ZFHX4: variants seen among roughly 807,000 people sequenced by gnomAD.
The protein encoded by ZFHX4 is zinc finger homeobox 4.
A neutral mutation model predicts 267.6 loss-of-function variants in ZFHX4; 56 were observed. The ratio of observed to expected loss-of-function variants is 0.21; its 90% CI spans 0.17 to 0.26. The LOEUF (loss-of-function observed/expected upper bound fraction) is 0.26, where lower values mean the gene tolerates loss of function less well. ZFHX4 is among the 10% of genes least tolerant of loss of function. The probability of loss-of-function intolerance (pLI) is 1.00; values close to 1 mark genes in which losing one functional copy is unlikely to be tolerated. For synonymous variants in ZFHX4, 1,778 were observed against 1,665.6 expected, an observed-to-expected ratio of 1.07 and a Z score of -1.64; for missense variants, 4,332 against 4,420.0, an observed-to-expected ratio of 0.98 and a Z score of 0.56.
At chr8:76,781,594 A>AT (rs1810549811) in intron 4 of ZFHX4, among the ~76,000 whole-genome samples, 1 of 152,052 alleles carries the variant, frequency 6.6e-6, no homozygotes, top group African/African-American at 2.4e-5. Context: ...TGGGTGGAAG[A>AT]TTTTTTGACC....
chr8:76,848,993 A>C lies in ZFHX4; in HGVS notation c.3512-2A>C, dbSNP rs1219351360. On this transcript the variant is annotated splice_acceptor_variant, in intron 6 of 10. Coordinates refer to ENST00000651372, the MANE Select transcript of ZFHX4 (RefSeq NM_024721.5). LOFTEE classifies it high-confidence loss of function. ...AATTGTTCTATTCTTTTTGGGAATC[A>C]GGGATAATCACACCAGAGAAGGAAC... 1 of 1,510,362 alleles carries C rather than the reference A, an allele frequency of 6.6e-7. No homozygotes were observed. Among genetic ancestry groups the C allele is most frequent in the Non-Finnish European group, 8.8e-7 (1 of 1,133,030 alleles). The allele number at this position is 1,510,362 out of a possible 1,614,324, so 93.6% of individuals were successfully genotyped here. A position where few individuals can be genotyped will look rare whatever the true frequency, so the allele number is the denominator to read the frequency against.
intron 3 of ZFHX4, among the ~76,000 whole-genome samples, chr8:76,754,176 G>A (rs969800477): frequency 6.6e-6 from 1 of 152,052 alleles, no homozygotes; most frequent in Non-Finnish European, 1.5e-5. Flanking sequence ...TTATTTACTT[G>A]TGATAAATTT....
intron 1 of ZFHX4, 27 bp from the exon 2 acceptor site, chr8:76,704,016 G>T: frequency 7.1e-7 from 1 of 1,401,980 alleles, no homozygotes; most frequent in Non-Finnish European, 9.6e-7. Context: ...AATAAAAATG[G>T]CTTCTCTCAC....
chr8:76,693,357 T>C (rs935030013), intron 1 of ZFHX4: 2 of 152,202 alleles, frequency 1.3e-5, no homozygotes, highest in Admixed American at 6.5e-5. Flanking sequence ...CAGAGAAATC[T>C]AAATGGCTTT....
chr8:76,775,770 T>A lies in ZFHX4; in HGVS notation c.3094-2438T>A, dbSNP rs56080137. 8.5e-3 allele frequency among the ~76,000 whole-genome samples: 1,300 copies of A among 152,268 alleles called. 23 individuals carry two copies. Among genetic ancestry groups the A allele is most frequent in the African/African-American group, 0.03 (1,250 of 41,550 alleles). On this transcript the variant is annotated intron_variant, in intron 3 of 10. Transcript: ENST00000651372. Reference sequence around the variant, plus strand: ...TGTTCCTTTTGTTTTTGTGCATTGTTCATTAGCCTGTGAGTGTTGCAGGCA... The same window carrying A: ...TGTTCCTTTTGTTTTTGTGCATTGTACATTAGCCTGTGAGTGTTGCAGGCA...
intron 3 of ZFHX4, 61 bp downstream of exon 3, chr8:76,708,109 G>A (rs1435656822): frequency 6.3e-7 from 1 of 1,599,064 alleles, no homozygotes; most frequent in Non-Finnish European, 8.5e-7. Context: ...CTCTTTCAGA[G>A]CTTGGAGCAC....
In ZFHX4 at chr8:76,730,729, T is replaced by C. The variant is rs113605530; in HGVS notation, c.3093+22681T>C. Among the ~76,000 whole-genome samples the C allele has an allele frequency of 5.5e-3, 836 of 152,058 alleles. 11 individuals carry two copies. The highest frequency in any genetic ancestry group is 0.019 in the African/African-American group (777 of 41,478). On this transcript the variant is annotated intron_variant, in intron 3 of 10. Coordinates refer to ENST00000651372, the MANE Select transcript of ZFHX4 (RefSeq NM_024721.5). ...ATAAATAAATAAATAAATAAAACTA[T>C]TTTAAAGGTGCCCTGGGGTATGCAA... is the stretch of plus-strand genomic sequence containing the variant.
chr8:76,729,411 A>G (rs1808939257), intron 3 of ZFHX4, among the ~76,000 whole-genome samples: 1 of 152,124 alleles, frequency 6.6e-6, no homozygotes, highest in Non-Finnish European at 1.5e-5. Context: ...TGAAGTGGGG[A>G]GTTGTGACTT....
intron 3 of ZFHX4, among the ~76,000 whole-genome samples, chr8:76,764,915 A>G (rs1810012985): frequency 1.3e-5 from 2 of 152,060 alleles, no homozygotes; most frequent in African/African-American, 4.8e-5. Context: ...TTAATTAACA[A>G]CTCTGTTAAC....
At chr8:76,780,261 T>C (rs1810514104) in intron 4 of ZFHX4, among the ~76,000 whole-genome samples, 1 of 152,194 alleles carries the variant, frequency 6.6e-6, no homozygotes, top group Non-Finnish European at 1.5e-5. Flanking sequence ...GAGTTGCTTT[T>C]AAATGAAGCT....
intron 1 of ZFHX4, among the ~76,000 whole-genome samples, chr8:76,687,557 C>T (rs1418145889): frequency 6.6e-6 from 1 of 152,198 alleles, no homozygotes; most frequent in Non-Finnish European, 1.5e-5. Flanking sequence ...AAGGTCACTT[C>T]TGTCACAGAA....
At chr8:76,794,684 A>G (rs1810925301) in intron 4 of ZFHX4, among the ~76,000 whole-genome samples, 1 of 152,168 alleles carries the variant, frequency 6.6e-6, no homozygotes, top group Non-Finnish European at 1.5e-5. Flanking sequence ...TTAGAACCAA[A>G]TTTCTAGTTT....
At chr8:76,697,047 T>G (rs1409252394) in intron 1 of ZFHX4, among the ~76,000 whole-genome samples, 2 of 152,024 alleles carry the variant, frequency 1.3e-5, no homozygotes, top group Non-Finnish European at 2.9e-5. Context: ...TATGGTAGGT[T>G]TAGCCTGCAA....
At chr8:76,721,060 G>A (rs1339107518) in intron 3 of ZFHX4, among the ~76,000 whole-genome samples, 1 of 152,088 alleles carries the variant, frequency 6.6e-6, no homozygotes, top group Non-Finnish European at 1.5e-5. Flanking sequence ...GGGAATACAG[G>A]TGCAACTGTA....
At chr8:76,833,644 C>T (rs1811997223) in intron 5 of ZFHX4, 2 of 421,560 alleles carry the variant, frequency 4.7e-6, no homozygotes, top group African/African-American at 2.1e-5. Context: ...AATACCCTCT[C>T]CCCTGACACA....
chr8:76,776,024 A>G (rs779560739), intron 3 of ZFHX4, among the ~76,000 whole-genome samples: 1 of 151,810 alleles, frequency 6.6e-6, no homozygotes, highest in Admixed American at 6.6e-5. Flanking sequence ...TGTTCTAGAC[A>G]GTGCAGATTT....
Position 76,855,101 on chromosome 8 carries a change from A to G in ZFHX4, c.8180A>G (p.Tyr2727Cys). 6.2e-7 allele frequency: 1 copy of G among 1,613,822 alleles called. No homozygotes were observed. ...GATGGGGGAGAAAGCCCACAGAAATACATCTATTTTGATTACCCATCTTTG... is the reference window on the plus strand; with the variant it reads ...GATGGGGGAGAAAGCCCACAGAAATGCATCTATTTTGATTACCCATCTTTG... ...TEDGGESPQK[Y>C]IYFDYPSLPL... The change falls in exon 10 of 11, where the codon TAC becomes TGC. Residue 2727 changes from tyrosine to cysteine, a missense_variant. By Grantham distance (194) the Tyr-to-Cys change is radical (BLOSUM62 -2). Transcript: ENST00000651372.
chr8:76,682,791 TC>T (rs1807576883), intron 1 of ZFHX4, among the ~76,000 whole-genome samples: 1 of 152,004 alleles, frequency 6.6e-6, no homozygotes, highest in Non-Finnish European at 1.5e-5. Context: ...TTCACCTCCT[TC>T]GTTTCTCCAA....
chr8:76,773,992 G>T (rs578221927), intron 3 of ZFHX4, among the ~76,000 whole-genome samples: 18 of 152,202 alleles, frequency 1.2e-4, no homozygotes, highest in African/African-American at 4.3e-4. Flanking sequence ...TTTCCAAAGT[G>T]GCCCACTTTT....
Sources: allele counts gnomAD v4.1 joint callset (sites outside exome capture counted in the v4.1 genomes callset), GRCh38; gene constraint gnomAD v4.1.1; transcripts MANE v1.5; gene names NCBI Gene and HGNC (gene_info 2026-07-23, HGNC 2026-07-21).